DPP10: variants seen among roughly 807,000 people sequenced by gnomAD.
DPP10 encodes inactive dipeptidyl peptidase 10.
In DPP10, 33 loss-of-function variants were observed where a neutral mutation model predicts 120.9. That is an observed-to-expected ratio of 0.27 (90% CI 0.21 to 0.37). DPP10 has a LOEUF of 0.37. DPP10 is among the 10% of genes least tolerant of loss of function. The probability of loss-of-function intolerance (pLI) is 1.00; values close to 1 mark genes in which losing one functional copy is unlikely to be tolerated. For synonymous variants in DPP10, 337 were observed against 326.1 expected, an observed-to-expected ratio of 1.03 and a Z score of -0.36; for missense variants, 816 against 942.8, an observed-to-expected ratio of 0.87 and a Z score of 1.76.
intron 5 of DPP10, among the ~76,000 whole-genome samples, chr2:115,666,641 C>T (rs2089476827): frequency 6.6e-6 from 1 of 152,086 alleles, no homozygotes; most frequent in African/African-American, 2.4e-5. Context: ...ACCACATTTT[C>T]TTTGTTTAGT....
At chr2:115,397,619 T>C (rs1411399125) in intron 3 of DPP10, among the ~76,000 whole-genome samples, 1 of 152,202 alleles carries the variant, frequency 6.6e-6, no homozygotes, top group Non-Finnish European at 1.5e-5. Flanking sequence ...AAATACAAGT[T>C]GTACCACTCC....
intron 1 of DPP10, among the ~76,000 whole-genome samples, chr2:115,121,407 T>C (rs1259173061): frequency 1.3e-5 from 2 of 152,212 alleles, no homozygotes; most frequent in East Asian, 3.9e-4. Flanking sequence ...AATTTATAAC[T>C]ACTTCCTGCC....
chr2:114,801,179 C>T (rs748958195), intron 1 of DPP10, among the ~76,000 whole-genome samples: 6 of 148,876 alleles, frequency 4.0e-5, no homozygotes, highest in Admixed American at 1.4e-4. Flanking sequence ...AGGAGAATGG[C>T]GTGAACCCAG....
chr2:115,490,916 G>A (rs1424954936), intron 3 of DPP10, among the ~76,000 whole-genome samples: 2 of 152,132 alleles, frequency 1.3e-5, no homozygotes, highest in Non-Finnish European at 2.9e-5. Flanking sequence ...TCGGGAGTTT[G>A]AGACCAGCCT....
chr2:114,447,467 A>G (rs993095192), intron 1 of DPP10, among the ~76,000 whole-genome samples: 1 of 152,184 alleles, frequency 6.6e-6, no homozygotes, highest in African/African-American at 2.4e-5. Context: ...ATAACAAAAA[A>G]TCTACCTCTG....
intron 1 of DPP10, among the ~76,000 whole-genome samples, chr2:115,096,466 G>A (rs528319813): frequency 1.3e-5 from 2 of 152,188 alleles, no homozygotes; most frequent in South Asian, 4.1e-4. Context: ...ATGGAGAGAA[G>A]GAAGACAGTA....
At position 114,558,376 on chromosome 2, in the gene DPP10, G is replaced by C. The variant is rs1688491860; in HGVS notation, c.60+115538G>C. 2.0e-5 allele frequency among the ~76,000 whole-genome samples: 3 copies of C among 152,178 alleles called. No homozygotes were observed. In the South Asian group the frequency reaches 6.2e-4, roughly 32 times the overall value. On this transcript the variant is annotated intron_variant, in intron 1 of 25. Transcript: ENST00000410059. ...GCATCGAGTTTTTATTTGTCTCAGTGCCTTTGCACTTTCTGCTCTCTCTAC... is the reference window on the plus strand; with the variant it reads ...GCATCGAGTTTTTATTTGTCTCAGTCCCTTTGCACTTTCTGCTCTCTCTAC...
At chr2:115,833,178 G>A (rs931460942) in intron 21 of DPP10, among the ~76,000 whole-genome samples, 2 of 152,018 alleles carry the variant, frequency 1.3e-5, no homozygotes, top group Non-Finnish European at 2.9e-5. Context: ...AACATATAAT[G>A]TCATCTTATA....
chr2:115,501,118 T>C (rs1383042169), intron 4 of DPP10, among the ~76,000 whole-genome samples: 3 of 151,996 alleles, frequency 2.0e-5, no homozygotes, highest in Non-Finnish European at 4.4e-5. Flanking sequence ...GTAACATAAT[T>C]TTATGGAGAT....
chr2:114,855,791 C>T (rs1289403276), intron 1 of DPP10, among the ~76,000 whole-genome samples: 1 of 152,110 alleles, frequency 6.6e-6, no homozygotes, highest in East Asian at 1.9e-4. Context: ...CGGGGGAGGT[C>T]ATTTCTAGTT....
intron 5 of DPP10, among the ~76,000 whole-genome samples, chr2:115,591,121 A>G (rs2082632995): frequency 6.6e-6 from 1 of 152,066 alleles, no homozygotes; most frequent in East Asian, 1.9e-4. Flanking sequence ...GTTCACTCTG[A>G]TGGTAGTTTC....
chr2:115,616,736 A>G (rs1327570794), intron 5 of DPP10, among the ~76,000 whole-genome samples: 1 of 152,050 alleles, frequency 6.6e-6, no homozygotes, highest in South Asian at 2.1e-4. Context: ...TTCCTTTGAC[A>G]GTGACTTCTC....
At chr2:115,587,990 G>A (rs987074106) in intron 5 of DPP10, among the ~76,000 whole-genome samples, 2 of 152,098 alleles carry the variant, frequency 1.3e-5, no homozygotes, top group African/African-American at 4.8e-5. Context: ...ATTGTAGTTG[G>A]TCATATTTTG....
chr2:114,824,963 A>AGAGT (rs1325969849), intron 1 of DPP10, among the ~76,000 whole-genome samples: 2 of 152,208 alleles, frequency 1.3e-5, no homozygotes, highest in Non-Finnish European at 2.9e-5. Flanking sequence ...AGCAAACAGG[A>AGAGT]GAGTAGGCTT....
intron 7 of DPP10, among the ~76,000 whole-genome samples, chr2:115,707,472 C>G (rs2149556253): frequency 6.7e-6 from 1 of 148,204 alleles, no homozygotes; most frequent in Non-Finnish European, 1.5e-5. Flanking sequence ...ACTCTCTCCA[C>G]ATTTTTTATT....
At chr2:114,628,783 A>G (rs1352277364) in intron 1 of DPP10, among the ~76,000 whole-genome samples, 1 of 152,142 alleles carries the variant, frequency 6.6e-6, no homozygotes, top group African/African-American at 2.4e-5. Context: ...GCTGTCCTTG[A>G]CTAACTCTCT....
At chr2:115,341,771 G>A (rs1027024553) in intron 2 of DPP10, among the ~76,000 whole-genome samples, 10 of 94,068 alleles carry the variant, frequency 1.1e-4, no homozygotes, top group African/African-American at 3.2e-4. Context: ...TCTTTTCATG[G>A]CTTGATAGCT....
chr2:114,929,311 C>T (rs1050110632), intron 1 of DPP10, among the ~76,000 whole-genome samples: 2 of 152,100 alleles, frequency 1.3e-5, no homozygotes, highest in African/African-American at 2.4e-5. Flanking sequence ...TAACAGGAAA[C>T]GGGGTTCAAG....
rs556540387 is a variant in DPP10 at position 115,004,553 on chromosome 2, C to T, written c.61-304686C>T. Among the ~76,000 whole-genome samples, 318 of 152,208 alleles carry T rather than the reference C, an allele frequency of 2.1e-3. 5 individuals are homozygous for T. The highest frequency in any genetic ancestry group is 3.4e-4 in the Non-Finnish European group (23 of 68,002). ...AAGCAGGGCGAGGCATTGCCTCACT[C>T]GGGAAGCGCAAGGGGTCAGGGAGTT... On this transcript the variant is annotated intron_variant, in intron 1 of 25. Coordinates refer to ENST00000410059, the MANE Select transcript of DPP10 (RefSeq NM_020868.6).
Sources: gnomAD v4.1 joint callset for allele counts (sites outside exome capture counted in the v4.1 genomes callset) on GRCh38, gnomAD v4.1.1 for gene constraint, MANE v1.5 for transcripts, NCBI Gene and HGNC (gene_info 2026-07-23, HGNC 2026-07-21) for gene names.